ARHGAP15: variants seen among roughly 807,000 people sequenced by gnomAD.
ARHGAP15 encodes rho GTPase-activating protein 15.
In ARHGAP15, 51 loss-of-function variants were observed where a neutral mutation model predicts 63.7. That is an observed-to-expected ratio of 0.80 (90% CI 0.64 to 1.01). The LOEUF is 1.01. Among genes scored for constraint, ARHGAP15 ranks in the 50% least tolerant of loss-of-function variants. The pLI is 0.00. For synonymous variants in ARHGAP15, 191 were observed against 193.8 expected (o/e 0.99, Z 0.12); for missense variants, 560 against 564.6 (o/e 0.99, Z 0.08).
intron 5 of ARHGAP15, among the ~76,000 whole-genome samples, chr2:143,244,175 G>C (rs1352694579): frequency 6.6e-6 from 1 of 151,962 alleles, no homozygotes; most frequent in Non-Finnish European, 1.5e-5. Context: ...TATTTCAATA[G>C]TTCACAAATA....
intron 9 of ARHGAP15, among the ~76,000 whole-genome samples, chr2:143,491,237 T>C (rs529735618): frequency 1.2e-4 from 18 of 152,338 alleles, no homozygotes; most frequent in African/African-American, 3.8e-4. Context: ...TTTTGGGTGG[T>C]AGGAGTGTTT....
chr2:143,668,278 T>G (rs2105342638), intron 12 of ARHGAP15, among the ~76,000 whole-genome samples: 1 of 141,144 alleles, frequency 7.1e-6, no homozygotes, highest in Non-Finnish European at 1.6e-5. Flanking sequence ...TGATTCTATT[T>G]TCTTTTTTTT....
At chr2:143,269,056 CTA>C (rs1405573816) in intron 6 of ARHGAP15, among the ~76,000 whole-genome samples, 1 of 152,118 alleles carries the variant, frequency 6.6e-6, no homozygotes, top group African/African-American at 2.4e-5. Context: ...AGAGAAAAGA[CTA>C]TGGTTTGCAT....
chr2:143,724,086 C>T (rs368991969), intron 13 of ARHGAP15, among the ~76,000 whole-genome samples: 2 of 143,532 alleles, frequency 1.4e-5, no homozygotes, highest in African/African-American at 2.5e-5. Flanking sequence ...TGTGTGTGAT[C>T]TAATGACATA....
chr2:143,158,946 T>C (rs1317764642), intron 2 of ARHGAP15, among the ~76,000 whole-genome samples: 1 of 151,920 alleles, frequency 6.6e-6, no homozygotes, highest in Non-Finnish European at 1.5e-5. Context: ...AATACACAGT[T>C]TAGAATAGAT....
At chr2:143,378,096 A>AG (rs1686895422) in intron 6 of ARHGAP15, among the ~76,000 whole-genome samples, 1 of 152,084 alleles carries the variant, frequency 6.6e-6, no homozygotes, top group African/African-American at 2.4e-5. Flanking sequence ...AGAATGGTGA[A>AG]GGGTCCCCCT....
intron 6 of ARHGAP15, among the ~76,000 whole-genome samples, chr2:143,383,514 C>T (rs565476875): frequency 5.4e-4 from 82 of 152,232 alleles, no homozygotes; most frequent in Non-Finnish European, 9.0e-4. Flanking sequence ...TCGTCTCTCT[C>T]GGAAGTGCTT....
intron 8 of ARHGAP15, among the ~76,000 whole-genome samples, chr2:143,446,289 T>C (rs1690134709): frequency 6.6e-6 from 1 of 151,848 alleles, no homozygotes; most frequent in African/African-American, 2.4e-5. Flanking sequence ...TGTTATAAAA[T>C]GATTTCCATC....
At chr2:143,582,777 C>T (rs1281759584) in intron 11 of ARHGAP15, among the ~76,000 whole-genome samples, 1 of 152,208 alleles carries the variant, frequency 6.6e-6, no homozygotes. Flanking sequence ...CCAAAGACTT[C>T]TTTTAAAGTC....
chr2:143,316,550 T>G (rs1683721046), intron 6 of ARHGAP15, among the ~76,000 whole-genome samples: 2 of 144,968 alleles, frequency 1.4e-5, no homozygotes, highest in South Asian at 4.3e-4. Flanking sequence ...TATTAAAATA[T>G]ATGTTATATA....
At chr2:143,533,381 TTC>T (rs1223002380) in intron 10 of ARHGAP15, 1 of 152,200 alleles carries the variant, frequency 6.6e-6, no homozygotes, top group Non-Finnish European at 1.5e-5. Context: ...GCATCCTTCC[TTC>T]TCTTTCTTTG....
At chr2:143,390,892 T>G (rs1687511406) in intron 6 of ARHGAP15, among the ~76,000 whole-genome samples, 1 of 152,210 alleles carries the variant, frequency 6.6e-6, no homozygotes, top group African/African-American at 2.4e-5. Flanking sequence ...AAGTTCCTTG[T>G]TATCAAATTT....
rs532532859 is a variant in ARHGAP15 at position 143,342,732 on chromosome 2, A to G, written c.474+92132A>G. Among the ~76,000 whole-genome samples, 15 of 152,232 alleles carry G rather than the reference A, an allele frequency of 9.9e-5. No homozygotes were observed. The South Asian group carries it at 2.7e-3, about 27-fold the overall frequency. ...TGGGTTCTGGATGAGGCAAAATTGT[A>G]TAACAGCTTCATAGCATGAGTCCCA... On this transcript the variant is annotated intron_variant, in intron 6 of 13. Transcript: ENST00000295095.
At chr2:143,368,188 C>T (rs529102947) in intron 6 of ARHGAP15, among the ~76,000 whole-genome samples, 1 of 152,042 alleles carries the variant, frequency 6.6e-6, no homozygotes, top group East Asian at 1.9e-4. Flanking sequence ...AAAAATGTAC[C>T]AAATAAACTA....
intron 6 of ARHGAP15, among the ~76,000 whole-genome samples, chr2:143,423,033 A>G (rs534459318): frequency 2.6e-5 from 4 of 152,252 alleles, no homozygotes; most frequent in African/African-American, 9.6e-5. Context: ...AGCATCTAAC[A>G]TTGAAAGCAG....
chr2:143,346,250 TCACACACACACACACA>T (rs138964635), intron 6 of ARHGAP15, among the ~76,000 whole-genome samples: 11 of 138,750 alleles, frequency 7.9e-5, no homozygotes, highest in African/African-American at 2.7e-4. Flanking sequence ...ACACACACAC[TCACACACACACACACA>T]CACACACACT....
At chr2:143,494,373 T>A (rs1034073565) in intron 9 of ARHGAP15, among the ~76,000 whole-genome samples, 2 of 152,182 alleles carry the variant, frequency 1.3e-5, no homozygotes, top group African/African-American at 4.8e-5. Context: ...CACATCTCAT[T>A]TCTCACATAC....
chr2:143,455,606 G>T (rs1455849019), intron 8 of ARHGAP15, among the ~76,000 whole-genome samples: 2 of 152,046 alleles, frequency 1.3e-5, no homozygotes, highest in Non-Finnish European at 2.9e-5. Flanking sequence ...CTAACAAGTT[G>T]ATTTAATTTA....
At chr2:143,401,610 T>A (rs1470624531) in intron 6 of ARHGAP15, among the ~76,000 whole-genome samples, 1 of 152,068 alleles carries the variant, frequency 6.6e-6, no homozygotes, top group East Asian at 1.9e-4. Context: ...GGTGAGACTT[T>A]CAAAATATTT....
Sources: allele counts gnomAD v4.1 joint callset (sites outside exome capture counted in the v4.1 genomes callset), GRCh38; gene constraint gnomAD v4.1.1; transcripts MANE v1.5; gene names NCBI Gene and HGNC (gene_info 2026-07-23, HGNC 2026-07-21).